The following MARCHF1 variants were observed in gnomAD, a reference collection of about 807,000 sequenced individuals.
MARCHF1 encodes membrane associated ring-CH-type finger 1.
Under a neutral mutation model 54.2 loss-of-function variants are expected in MARCHF1, and 40 were observed. The ratio of observed to expected loss-of-function variants is 0.74; its 90% CI spans 0.57 to 0.96. The LOEUF is 0.96. Ranked by LOEUF, MARCHF1 falls within the 40% of genes least tolerant of loss-of-function variation. MARCHF1 has a pLI of 0.00. For missense variants in MARCHF1, 586 were observed against 656.5 expected (o/e 0.89, Z 1.17); for synonymous variants, 236 against 236.3 (o/e 1.00, Z 0.01).
chr4:163,951,081 T>C (rs1364060355), intron 3 of MARCHF1, among the ~76,000 whole-genome samples: 1 of 152,184 alleles, frequency 6.6e-6, no homozygotes, highest in Non-Finnish European at 1.5e-5. Context: ...ATTTTGATTT[T>C]AGACTGAAAA....
chr4:163,852,215 T>C (rs961094035), intron 4 of MARCHF1, among the ~76,000 whole-genome samples: 2 of 152,118 alleles, frequency 1.3e-5, no homozygotes, highest in African/African-American at 2.4e-5. Flanking sequence ...TAAGTGGCAC[T>C]AGGAATGTCA....
chr4:163,972,747 C>T (rs1166287323), intron 3 of MARCHF1, among the ~76,000 whole-genome samples: 3 of 147,914 alleles, frequency 2.0e-5, no homozygotes, highest in Non-Finnish European at 4.5e-5. Flanking sequence ...TTAGTAGAGA[C>T]GGGTTTTCAC....
At chr4:163,570,303 A>G (rs1739800168) in intron 8 of MARCHF1, among the ~76,000 whole-genome samples, 1 of 152,110 alleles carries the variant, frequency 6.6e-6, no homozygotes, top group Admixed American at 6.6e-5. Context: ...AATCTGCTAC[A>G]GTGTTGATGA....
chr4:164,343,540 A>G (rs1729987904), intron 1 of MARCHF1, among the ~76,000 whole-genome samples: 1 of 152,190 alleles, frequency 6.6e-6, no homozygotes, highest in East Asian at 1.9e-4. Flanking sequence ...TAACTCCATC[A>G]AAAAGTGGGA....
intron 1 of MARCHF1, among the ~76,000 whole-genome samples, chr4:164,176,974 C>A (rs4056066): frequency 0.35 from 9,796 of 27,600 alleles, 1,647 homozygotes; most frequent in Non-Finnish European, 0.47. Context: ...CTCTCTCTCT[C>A]TCTCTCTATA....
At chr4:163,894,163 C>G (rs1311145419) in intron 3 of MARCHF1, among the ~76,000 whole-genome samples, 1 of 152,046 alleles carries the variant, frequency 6.6e-6, no homozygotes, top group East Asian at 1.9e-4. Context: ...GGACAGTGAC[C>G]TAATTTGTGT....
intron 5 of MARCHF1, among the ~76,000 whole-genome samples, chr4:163,651,389 G>T (rs992127263): frequency 2.0e-5 from 3 of 151,732 alleles, no homozygotes; most frequent in African/African-American, 7.3e-5. Context: ...TTTTCCCCTG[G>T]TTCCAAAGGT....
chr4:164,079,583 A>ATAACTTC (rs1218987412), intron 2 of MARCHF1, among the ~76,000 whole-genome samples: 1 of 152,198 alleles, frequency 6.6e-6, no homozygotes. Flanking sequence ...AAGGACTTAT[A>ATAACTTC]TAACTTCTAA....
intron 1 of MARCHF1, among the ~76,000 whole-genome samples, chr4:164,151,717 C>T (rs1005061237): frequency 6.6e-6 from 1 of 152,192 alleles, no homozygotes; most frequent in Non-Finnish European, 1.5e-5. Flanking sequence ...CAGGTTATTT[C>T]ATGTTATGAT....
At chr4:164,016,226 GGCAGAAAGGGAAGCAGGCACATCT>G (rs1404286766) in intron 2 of MARCHF1, among the ~76,000 whole-genome samples, 3 of 152,112 alleles carry the variant, frequency 2.0e-5, no homozygotes, top group Non-Finnish European at 4.4e-5. Context: ...TTACAATTAT[GGCAGAAAGGGAAGCAGGCACATCT>G]TACATGCAGC....
chr4:164,243,730 A>T (rs961326589), intron 1 of MARCHF1, among the ~76,000 whole-genome samples: 2 of 152,266 alleles, frequency 1.3e-5, no homozygotes, highest in Admixed American at 6.5e-5. Context: ...GGGCAGAGAC[A>T]TACATAGCCT....
intron 3 of MARCHF1, among the ~76,000 whole-genome samples, chr4:163,971,969 C>G (rs1363507147): frequency 6.6e-6 from 1 of 152,134 alleles, no homozygotes; most frequent in Non-Finnish European, 1.5e-5. Flanking sequence ...CAATGATAGA[C>G]TGGATAAAGA....
intron 7 of MARCHF1, among the ~76,000 whole-genome samples, chr4:163,594,903 G>T (rs965384130): frequency 6.6e-6 from 1 of 152,032 alleles, no homozygotes; most frequent in Non-Finnish European, 1.5e-5. Flanking sequence ...GTTTTTCAAA[G>T]AATTAAAAAT....
intron 4 of MARCHF1, among the ~76,000 whole-genome samples, chr4:163,725,381 G>A (rs1270008383): frequency 6.6e-6 from 1 of 151,932 alleles, no homozygotes; most frequent in East Asian, 1.9e-4. Flanking sequence ...AGGAGGCTAA[G>A]GTGGGAGGAT....
At chr4:164,137,462 A>AT (rs984949332) in intron 1 of MARCHF1, among the ~76,000 whole-genome samples, 4 of 152,292 alleles carry the variant, frequency 2.6e-5, no homozygotes, top group Middle Eastern at 6.8e-3. Flanking sequence ...CAACAGAGTG[A>AT]TTTTTTTAAA....
chr4:164,298,585 T>A (rs1481800997), intron 1 of MARCHF1, among the ~76,000 whole-genome samples: 1 of 152,154 alleles, frequency 6.6e-6, no homozygotes, highest in Non-Finnish European at 1.5e-5. Context: ...ATCTTTTTAA[T>A]ATCAAGAGTT....
At chr4:163,787,288 G>A (rs1603037) in intron 4 of MARCHF1, among the ~76,000 whole-genome samples, 72,113 of 151,272 alleles carry the variant, frequency 0.48, 17,632 homozygotes, top group East Asian at 0.83. Context: ...AAAGTGAAAA[G>A]GCAATGTAAA....
chr4:163,768,897 C>G (rs981770571), intron 4 of MARCHF1, among the ~76,000 whole-genome samples: 1 of 152,096 alleles, frequency 6.6e-6, no homozygotes, highest in Non-Finnish European at 1.5e-5. Context: ...GCCATTAGCT[C>G]TTGAATTGAT....
intron 3 of MARCHF1, among the ~76,000 whole-genome samples, chr4:163,876,227 C>T (rs910917529): frequency 7.2e-5 from 11 of 152,228 alleles, no homozygotes; most frequent in African/African-American, 2.6e-4. Flanking sequence ...ATATACTGCA[C>T]AACAAATTGT....
Sources: gnomAD v4.1 joint callset for allele counts (sites outside exome capture counted in the v4.1 genomes callset) on GRCh38, gnomAD v4.1.1 for gene constraint, MANE v1.5 for transcripts, NCBI Gene and HGNC (gene_info 2026-07-23, HGNC 2026-07-21) for gene names.